The following SMYD2 variants were observed in gnomAD, a reference collection of about 807,000 sequenced individuals.
SMYD2 encodes the protein SET and MYND domain containing 2.
In SMYD2, 53 loss-of-function variants were observed where a neutral mutation model predicts 59.1. The ratio of observed to expected loss-of-function variants is 0.90; its 90% CI spans 0.72 to 1.13. The LOEUF is 1.13. Among genes scored for constraint, SMYD2 ranks in the 50% most tolerant of loss-of-function variants. The probability of loss-of-function intolerance (pLI) is 0.00; values close to 1 mark genes in which losing one functional copy is unlikely to be tolerated. For missense variants in SMYD2, 494 were observed against 544.7 expected (o/e 0.91, Z 0.93); for synonymous variants, 208 against 198.8 (o/e 1.05, Z -0.39).
chr1:214,300,265 G>C (rs1302811266), intron 1 of SMYD2, among the ~76,000 whole-genome samples: 1 of 152,150 alleles, frequency 6.6e-6, no homozygotes, highest in African/African-American at 2.4e-5. Context: ...CTCTCACCAG[G>C]TTCCTAGAGC....
rs140909791 is a variant in SMYD2 at position 214,327,714 on chromosome 1, C to G, written c.695C>G (p.Pro232Arg). The change falls in exon 7 of 12, where the codon CCG (proline) becomes CGG (arginine). Residue 232 changes from proline to arginine, a missense_variant. Pro to Arg is a moderately radical substitution (Grantham distance 103). Transcript: ENST00000366957. Reference sequence around the variant, plus strand: ...GTCAGAGCTGTACAGGAAATCAAGCCGGGAGAGGAGGTGAGTTCATGGCTA... The same window carrying G: ...GTCAGAGCTGTACAGGAAATCAAGCGGGGAGAGGAGGTGAGTTCATGGCTA... ...AEVRAVQEIK[P>R]GEEVFTSYID... The G allele has an allele frequency of 8.1e-6, 13 of 1,614,072 alleles. No individual in the cohort carries two copies. Among genetic ancestry groups the G allele is most frequent in the Middle Eastern group, 1.6e-4 (1 of 6,062 alleles).
intron 10 of SMYD2, chr1:214,332,625 A>G (rs560749178): frequency 6.4e-6 from 1 of 155,550 alleles, no homozygotes; most frequent in South Asian, 2.0e-4. Flanking sequence ...CAAATGGGGA[A>G]GCTCTGGGAC....
chr1:214,316,107 T>C (rs1032978849), intron 3 of SMYD2, among the ~76,000 whole-genome samples: 2 of 152,168 alleles, frequency 1.3e-5, no homozygotes, highest in African/African-American at 2.4e-5. Context: ...ATGTCCAGGC[T>C]GTGGAGGTCT....
Position 214,296,187 on chromosome 1 carries a change from G to A in SMYD2, c.174-9000G>A, listed in dbSNP as rs187666408. Among the ~76,000 whole-genome samples the A allele has an allele frequency of 6.0e-4, 91 of 152,344 alleles. 1 individual carries two copies. Among genetic ancestry groups the A allele is most frequent in the Middle Eastern group, 3.4e-3 (1 of 294 alleles). ...TTTGATCTAGACCAACAGCACCTGC[G>A]GCAACGCATTAACTAGCAGGAGTTG... On this transcript the variant is annotated intron_variant, in intron 1 of 11. Transcript: ENST00000366957.
At chr1:214,313,033 A>C (rs549733203) in intron 2 of SMYD2, among the ~76,000 whole-genome samples, 48 of 152,344 alleles carry the variant, frequency 3.2e-4, no homozygotes, top group African/African-American at 1.1e-3. Flanking sequence ...TTCCAGGCAG[A>C]GACAGAGGAT....
rs138767186 is a variant in SMYD2, at chr1:214,330,261, T to G, written c.799T>G (p.Cys267Gly). 2.5e-6 allele frequency: 4 copies of G among 1,611,612 alleles called. No homozygotes were observed. The highest frequency in any genetic ancestry group is 1.3e-5 in the African/African-American group (1 of 74,840). ...SYFFTCECQE[C>G]TTKDKDKAKV... ...TTTCTTTACCTGTGAGTGCCAGGAG[T>G]GTACCACCAAGGACAAGGTAAGGTT... The change falls in exon 8 of 12, where the codon TGT becomes GGT. Residue 267 changes from cysteine to glycine, a missense_variant. Physicochemically the swap from Cys to Gly is radical, Grantham distance 159. Transcript: ENST00000366957.
At position 214,334,183 on chromosome 1, in the gene SMYD2, C is replaced by G. The variant is rs368274365; in HGVS notation, c.1113-17C>G. ...AGCCGCTGACATGGTGGCCTGTTGTCTCTTCTCTTGTTCTAGTAAGCACTA... is the reference window on the plus strand; with the variant it reads ...AGCCGCTGACATGGTGGCCTGTTGTGTCTTCTCTTGTTCTAGTAAGCACTA... On this transcript the variant is annotated splice_polypyrimidine_tract_variant and intron_variant, in intron 10 of 11. Transcript: ENST00000366957. 1.1e-5 allele frequency: 17 copies of G among 1,610,218 alleles called. No individual in the cohort carries two copies. The African/African-American group carries it at 2.3e-4, about 22-fold the overall frequency.
chr1:214,327,364 G>A (rs1419627019), intron 6 of SMYD2: 2 of 399,866 alleles, frequency 5.0e-6, no homozygotes, highest in Non-Finnish European at 9.3e-6. Context: ...TGTTTTTGCT[G>A]TTGTGTGTTT....
intron 1 of SMYD2, among the ~76,000 whole-genome samples, chr1:214,300,424 G>A (rs1405875267): frequency 6.6e-6 from 1 of 151,984 alleles, no homozygotes; most frequent in East Asian, 1.9e-4. Flanking sequence ...GGTTCCTGGA[G>A]CACAATGGGT....
chr1:214,306,758 G>A (rs759756085), intron 2 of SMYD2, among the ~76,000 whole-genome samples: 4 of 152,168 alleles, frequency 2.6e-5, no homozygotes, highest in Non-Finnish European at 5.9e-5. Flanking sequence ...AACTCATTCC[G>A]TTCTGTAGCA....
At chr1:214,303,851 G>A (rs1447174003) in intron 1 of SMYD2, among the ~76,000 whole-genome samples, 2 of 152,266 alleles carry the variant, frequency 1.3e-5, no homozygotes, top group African/African-American at 4.8e-5. Context: ...AGGTGGCACA[G>A]GGTGGCTCTG....
intron 2 of SMYD2, among the ~76,000 whole-genome samples, chr1:214,308,089 CAG>C (rs1656943126): frequency 1.3e-5 from 2 of 152,372 alleles, no homozygotes; most frequent in African/African-American, 2.4e-5. Flanking sequence ...AATTCCCAGA[CAG>C]GGGCACCCTG....
intron 10 of SMYD2, chr1:214,333,080 C>T (rs1049404021): frequency 6.6e-6 from 1 of 152,278 alleles, no homozygotes; most frequent in South Asian, 2.1e-4. Flanking sequence ...CCACTCCACC[C>T]TCTACTTACC....
rs527758266 is a variant in SMYD2, at chr1:214,323,000, G to A, written c.535-1641G>A. On this transcript the variant is annotated intron_variant, in intron 5 of 11. Coordinates refer to ENST00000366957, the MANE Select transcript of SMYD2 (RefSeq NM_020197.3). ...GTGCAGAAGAGAGTGGGGTGGAATC[G>A]TTCAGTGTGAGTGCCTCACGGACAG... is the stretch of plus-strand genomic sequence containing the variant. Among the ~76,000 whole-genome samples, 6 of 152,278 alleles carry A rather than the reference G, an allele frequency of 3.9e-5. No homozygotes were observed. In the East Asian group the frequency reaches 9.7e-4, roughly 24 times the overall value.
chr1:214,292,939 C>T (rs1010342886), intron 1 of SMYD2, among the ~76,000 whole-genome samples: 2 of 151,800 alleles, frequency 1.3e-5, no homozygotes, highest in Admixed American at 1.3e-4. Flanking sequence ...GCCTTAGAGC[C>T]TTCAGTTTGT....
chr1:214,303,446 G>C (rs1238551074), intron 1 of SMYD2, among the ~76,000 whole-genome samples: 1 of 152,158 alleles, frequency 6.6e-6, no homozygotes, highest in African/African-American at 2.4e-5. Context: ...AGTCCCTTCA[G>C]ATATACCCTA....
intron 6 of SMYD2, among the ~76,000 whole-genome samples, chr1:214,326,095 G>A (rs1657256933): frequency 6.6e-6 from 1 of 151,834 alleles, no homozygotes. Context: ...AAAATTAGCT[G>A]GGCATGGTGG....
rs373292365 is a variant in SMYD2, at chr1:214,302,269, G to T, written c.174-2918G>T. On this transcript the variant is annotated intron_variant, in intron 1 of 11. Transcript: ENST00000366957. ...GAGGAGAATTGCTTAAACCCAGGAG[G>T]TGGAGGCTGCAGTGAGCCAAGATCA... Among the ~76,000 whole-genome samples, 8 of 151,592 alleles carry T rather than the reference G, an allele frequency of 5.3e-5. 1 individual carries two copies. The highest frequency in any genetic ancestry group is 4.6e-4 in the Admixed American group (7 of 15,234).
At chr1:214,294,943 A>T (rs1002834989) in intron 1 of SMYD2, among the ~76,000 whole-genome samples, 1 of 152,214 alleles carries the variant, frequency 6.6e-6, no homozygotes, top group African/African-American at 2.4e-5. Context: ...ATTTTTAATC[A>T]CGTGAGTTTT....
Sources: gnomAD v4.1 joint callset for allele counts (sites outside exome capture counted in the v4.1 genomes callset) on GRCh38, gnomAD v4.1.1 for gene constraint, MANE v1.5 for transcripts, NCBI Gene and HGNC (gene_info 2026-07-23, HGNC 2026-07-21) for gene names.